INVS: variants seen among roughly 807,000 people sequenced by gnomAD.
INVS encodes the protein inversin, also known as inversion of embryo turning homolog.
In INVS, 86 loss-of-function variants were observed where a neutral mutation model predicts 108.8. That is an observed-to-expected ratio of 0.79 (90% CI 0.66 to 0.95). The LOEUF is 0.95. Among genes scored for constraint, INVS ranks in the 40% least tolerant of loss-of-function variants. INVS has a pLI of 0.00. For missense variants in INVS, 1,169 were observed against 1,297.4 expected (o/e 0.90, Z 1.52); for synonymous variants, 455 against 473.5 (o/e 0.96, Z 0.51).
chr9:100,245,873 G>A (rs1276704519), intron 7 of INVS, among the ~76,000 whole-genome samples: 1 of 152,038 alleles, frequency 6.6e-6, no homozygotes, highest in African/African-American at 2.4e-5. Flanking sequence ...AAGAAAACAT[G>A]TATTTTATGG....
intron 3 of INVS, among the ~76,000 whole-genome samples, chr9:100,216,463 T>G (rs1378954397): frequency 6.6e-6 from 1 of 152,202 alleles, no homozygotes; most frequent in Non-Finnish European, 1.5e-5. Flanking sequence ...CCAGCAGCTT[T>G]GCTTCAGACA....
intron 10 of INVS, among the ~76,000 whole-genome samples, chr9:100,254,854 G>A (rs1244085809): frequency 6.6e-6 from 1 of 152,194 alleles, no homozygotes; most frequent in African/African-American, 2.4e-5. Flanking sequence ...GTAGCGTGAT[G>A]CTTCCAGCTT....
intron 3 of INVS, among the ~76,000 whole-genome samples, chr9:100,193,690 A>G (rs1257028308): frequency 1.3e-5 from 2 of 152,352 alleles, no homozygotes; most frequent in East Asian, 1.9e-4. Context: ...GAAATCATAT[A>G]AAACTATTCT....
In INVS at chr9:100,173,488, G is replaced by A. The variant is rs531487053; in HGVS notation, c.273+46939G>A. ...CACACCTGTAATCCCAGCACTTTGG[G>A]AGGCCAAGGCAGGTGGATCACTTGA... On this transcript the variant is annotated intron_variant, in intron 3 of 16. Transcript: ENST00000262457. 2.6e-5 allele frequency among the ~76,000 whole-genome samples: 4 copies of A among 152,302 alleles called. No individual in the cohort carries two copies. In the South Asian group the frequency reaches 6.2e-4, roughly 24 times the overall value.
At chr9:100,174,501 A>G (rs1168999293) in intron 3 of INVS, among the ~76,000 whole-genome samples, 1 of 152,198 alleles carries the variant, frequency 6.6e-6, no homozygotes, top group Non-Finnish European at 1.5e-5. Flanking sequence ...CAAAGATAGG[A>G]GAGAGAGAAT....
chr9:100,195,937 TTTC>T (rs1366643616), intron 3 of INVS, among the ~76,000 whole-genome samples: 1 of 152,234 alleles, frequency 6.6e-6, no homozygotes, highest in East Asian at 1.9e-4. Flanking sequence ...AGTTGTTTTT[TTTC>T]TTCTTATAAT....
intron 2 of INVS, chr9:100,117,358 C>G: frequency 1.3e-6 from 1 of 749,300 alleles, no homozygotes; most frequent in Non-Finnish European, 2.4e-6. Context: ...AGTCAATGAT[C>G]TCAGATTCAT....
chr9:100,179,864 T>G (rs1829828041), intron 3 of INVS, among the ~76,000 whole-genome samples: 1 of 152,166 alleles, frequency 6.6e-6, no homozygotes, highest in Admixed American at 6.5e-5. Flanking sequence ...CACATTGCAC[T>G]TATTCTAAAA....
rs148997868 is a variant in INVS at position 100,289,813 on chromosome 9, T to C, written c.2069-2513T>C. Among the ~76,000 whole-genome samples the C allele has an allele frequency of 4.6e-5, 7 of 152,340 alleles. No individual in the cohort carries two copies. The East Asian group carries it at 1.3e-3, about 29-fold the overall frequency. On this transcript the variant is annotated intron_variant, in intron 13 of 16. Transcript: ENST00000262457. ...GCTTCCATGTTTTGGCCGTTATGAA[T>C]AAAGCTACTATAACATCCCTGTGCA...
intron 3 of INVS, among the ~76,000 whole-genome samples, chr9:100,217,556 A>G (rs1462410794): frequency 6.6e-6 from 1 of 152,144 alleles, no homozygotes; most frequent in Non-Finnish European, 1.5e-5. Context: ...TATGGGGGCA[A>G]TATGGAGGAC....
intron 3 of INVS, among the ~76,000 whole-genome samples, chr9:100,185,853 AT>A (rs1026943616): frequency 1.3e-5 from 2 of 151,932 alleles, no homozygotes; most frequent in African/African-American, 4.8e-5. Flanking sequence ...GGCCTCCTCC[AT>A]CCAAGTTGCT....
intron 3 of INVS, among the ~76,000 whole-genome samples, chr9:100,223,252 C>T (rs1017381524): frequency 1.3e-5 from 2 of 151,764 alleles, no homozygotes; most frequent in African/African-American, 4.8e-5. Flanking sequence ...CACCACCATG[C>T]CCGGCTGATT....
chr9:100,236,596 C>A (rs1170726274), intron 5 of INVS, among the ~76,000 whole-genome samples: 1 of 152,140 alleles, frequency 6.6e-6, no homozygotes, highest in East Asian at 1.9e-4. Flanking sequence ...TGTTAGTTTT[C>A]CTTCTAATAG....
chr9:100,288,788 T>A (rs1288279207), intron 13 of INVS, among the ~76,000 whole-genome samples: 1 of 152,068 alleles, frequency 6.6e-6, no homozygotes, highest in Non-Finnish European at 1.5e-5. Flanking sequence ...GCCTGGCTAA[T>A]TTTTTGCATT....
chr9:100,132,437 G>A (rs1299923497), intron 3 of INVS, among the ~76,000 whole-genome samples: 6 of 152,006 alleles, frequency 3.9e-5, no homozygotes, highest in Non-Finnish European at 7.4e-5. Context: ...AATAAACAAT[G>A]CTCTTGTATG....
rs565421641 is a variant in INVS at position 100,284,180 on chromosome 9, A to G, written c.1785-140A>G. 472 of 972,006 alleles carry G rather than the reference A, an allele frequency of 4.9e-4. 2 individuals are homozygous for G. The highest frequency in any genetic ancestry group is 3.7e-5 in the Non-Finnish European group (24 of 641,430). 60.2% of individuals were successfully genotyped at this position (972,006 alleles called of 1,614,324 possible). On this transcript the variant is annotated intron_variant, in intron 12 of 16. Coordinates refer to ENST00000262457, the MANE Select transcript of INVS (RefSeq NM_014425.5). ...AGATGGTTTTTATTTTATCTGGAGA[A>G]AAGACTGCTCTTGGAAAATGCAAAT... is the stretch of plus-strand genomic sequence containing the variant.
intron 3 of INVS, among the ~76,000 whole-genome samples, chr9:100,177,057 G>A (rs1829736559): frequency 6.6e-6 from 1 of 151,546 alleles, no homozygotes; most frequent in South Asian, 2.1e-4. Flanking sequence ...GGGAAACCGT[G>A]AGGCACTGTG....
intron 13 of INVS, among the ~76,000 whole-genome samples, chr9:100,285,525 A>G (rs914116959): frequency 2.6e-5 from 4 of 152,222 alleles, no homozygotes; most frequent in African/African-American, 9.6e-5. Context: ...AGTTTGACTG[A>G]GCATATAGTT....
chr9:100,252,271 GT>G lies in INVS; in HGVS notation c.1079-10del. 6.2e-7 allele frequency: 1 copy of G among 1,613,866 alleles called. No homozygotes were observed. Among genetic ancestry groups the G allele is most frequent in the Non-Finnish European group, 8.5e-7 (1 of 1,179,792 alleles). On this transcript the variant is annotated splice_polypyrimidine_tract_variant and intron_variant, in intron 8 of 16. Transcript: ENST00000262457. ...TTGACTAGTTCATCACTTTCTGTTG[GT>G]TCCCTTTTAGCTTTGCATGCTGCTG...
Sources: allele counts gnomAD v4.1 joint callset (sites outside exome capture counted in the v4.1 genomes callset), GRCh38; gene constraint gnomAD v4.1.1; transcripts MANE v1.5; gene names NCBI Gene and HGNC (gene_info 2026-07-23, HGNC 2026-07-21).